Variants in TOM1L1 observed in about 807,000 individuals in gnomAD.
The protein encoded by TOM1L1 is TOM1-like protein 1.
TOM1L1 carries 64 observed loss-of-function variants against 63.4 expected under a neutral mutation model. The observed-to-expected ratio is 1.01, with a 90% confidence interval of 0.83 to 1.24. The LOEUF (loss-of-function observed/expected upper bound fraction) is 1.24, where lower values mean the gene tolerates loss of function less well. Among genes scored for constraint, TOM1L1 ranks in the 50% most tolerant of loss-of-function variants. The probability of loss-of-function intolerance (pLI) is 0.00; values close to 1 mark genes in which losing one functional copy is unlikely to be tolerated. For missense variants in TOM1L1, 536 were observed against 567.0 expected, an observed-to-expected ratio of 0.95 and a Z score of 0.55; for synonymous variants, 166 against 194.4, an observed-to-expected ratio of 0.85 and a Z score of 1.22.
intron 2 of TOM1L1, among the ~76,000 whole-genome samples, chr17:54,904,268 G>A (rs1170439622): frequency 1.3e-5 from 2 of 151,914 alleles, no homozygotes; most frequent in African/African-American, 2.4e-5. Context: ...TACTTGGGAG[G>A]CTGAGGCAGG....
At chr17:54,901,107 C>A (rs965059367) in intron 1 of TOM1L1, 184 bp downstream of exon 1, 2 of 771,788 alleles carry the variant, frequency 2.6e-6, no homozygotes, top group Non-Finnish European at 4.2e-6. Flanking sequence ...TCCTTCTTGG[C>A]CAACTCACTG....
chr17:54,905,240 G>A (rs995315987), intron 2 of TOM1L1, among the ~76,000 whole-genome samples: 26 of 152,192 alleles, frequency 1.7e-4, no homozygotes, highest in African/African-American at 6.3e-4. Flanking sequence ...GTACTTTCTA[G>A]GTAATAGTCT....
At chr17:54,904,544 G>A (rs982909500) in intron 2 of TOM1L1, among the ~76,000 whole-genome samples, 3 of 152,110 alleles carry the variant, frequency 2.0e-5, no homozygotes, top group Non-Finnish European at 4.4e-5. Context: ...AAACAATCTA[G>A]CAGTCTTTTT....
chr17:54,948,279 T>C (rs1218841202), intron 12 of TOM1L1, among the ~76,000 whole-genome samples: 1 of 152,120 alleles, frequency 6.6e-6, no homozygotes, highest in African/African-American at 2.4e-5. Context: ...ACAGGGGCAT[T>C]CTTTTTTAAA....
chr17:54,947,595 G>A (rs992601577), intron 12 of TOM1L1, among the ~76,000 whole-genome samples: 2 of 152,144 alleles, frequency 1.3e-5, no homozygotes, highest in South Asian at 2.1e-4. Context: ...ATTTAGAACT[G>A]CAGTTCCATA....
At chr17:54,918,471 C>T (rs908268681) in intron 7 of TOM1L1, among the ~76,000 whole-genome samples, 5 of 151,992 alleles carry the variant, frequency 3.3e-5, no homozygotes, top group South Asian at 2.1e-4. Flanking sequence ...TAAACCACAA[C>T]GTGGGAGTAT....
chr17:54,947,325 ACT>A lies in TOM1L1; in HGVS notation c.1182+16_1182+17del. 6.2e-7 allele frequency: 1 copy of A among 1,613,708 alleles called. No homozygotes were observed. Among genetic ancestry groups the A allele is most frequent in the Non-Finnish European group, 8.5e-7 (1 of 1,179,762 alleles). The stretch of plus-strand genomic sequence containing the variant: ...CGCATATGATAATGTAAGTAACAAA[ACT>A]CTTTTCTAGCAGTGCATCTAGTCAG... On this transcript the variant is annotated intron_variant, in intron 12 of 15. Transcript: ENST00000575882.
intron 7 of TOM1L1, among the ~76,000 whole-genome samples, chr17:54,917,937 T>C (rs1427826114): frequency 2.0e-5 from 3 of 152,222 alleles, no homozygotes; most frequent in Non-Finnish European, 4.4e-5. Context: ...TCTGTCCCAA[T>C]CATTGTTTCC....
chr17:54,930,372 C>A, intron 8 of TOM1L1, 166 bp downstream of exon 8: 2 of 817,622 alleles, frequency 2.4e-6, no homozygotes, highest in South Asian at 3.8e-5. Flanking sequence ...CCTTGTACAG[C>A]TCCTACTCAG....
intron 8 of TOM1L1, among the ~76,000 whole-genome samples, chr17:54,935,889 G>C (rs1212148784): frequency 6.6e-6 from 1 of 152,122 alleles, no homozygotes; most frequent in Non-Finnish European, 1.5e-5. Flanking sequence ...TTGGGAGGCC[G>C]AGGTGGGCGG....
chr17:54,960,426 G>A, intron 14 of TOM1L1, 140 bp from the exon 15 acceptor site: 1 of 653,598 alleles, frequency 1.5e-6, no homozygotes, highest in Admixed American at 2.6e-5. Context: ...ACACACTTCA[G>A]GGCAGAGACT....
intron 14 of TOM1L1, among the ~76,000 whole-genome samples, chr17:54,960,226 A>G (rs7217666): frequency 0.74 from 111,602 of 151,732 alleles, 41,373 homozygotes; most frequent in African/African-American, 0.81. Flanking sequence ...TTAGCTGGGC[A>G]TGGTTGTGTG....
intron 11 of TOM1L1, among the ~76,000 whole-genome samples, chr17:54,941,618 A>C (rs1016627677): frequency 6.6e-6 from 1 of 152,250 alleles, no homozygotes; most frequent in Admixed American, 6.5e-5. Flanking sequence ...AGAATAATAC[A>C]GATAAAATCC....
At chr17:54,904,891 T>C (rs894354703) in intron 2 of TOM1L1, among the ~76,000 whole-genome samples, 5 of 152,228 alleles carry the variant, frequency 3.3e-5, no homozygotes, top group South Asian at 2.1e-4. Flanking sequence ...TACTTTTAAG[T>C]GTGTATGGTT....
At position 54,929,743 on chromosome 17, in the gene TOM1L1, T is replaced by TTTTTG. The variant is rs896397059; in HGVS notation, c.721-326_721-325insGTTTT. Reference sequence around the variant, plus strand: ...AAACTGAGATTTAAAAAACATGTGTTTTTTTTTTTTTTTCCCCAACATGGC... The same window carrying TTTTTG: ...AAACTGAGATTTAAAAAACATGTGTTTTTTGTTTTTTTTTTTTTCCCCAACATGGC... On this transcript the variant is annotated intron_variant, in intron 7 of 15. Coordinates refer to ENST00000575882, the MANE Select transcript of TOM1L1 (RefSeq NM_005486.3). 1.4e-4 allele frequency among the ~76,000 whole-genome samples: 21 copies of TTTTTG among 149,764 alleles called. No individual in the cohort carries two copies. In the East Asian group the frequency reaches 4.1e-3, roughly 30 times the overall value.
chr17:54,900,853 C>G lies in TOM1L1; in HGVS notation c.-13C>G, dbSNP rs778317285. 3 of 1,613,148 alleles carry G rather than the reference C, an allele frequency of 1.9e-6. No individual in the cohort carries two copies. The highest frequency in any genetic ancestry group is 2.2e-5 in the South Asian group (2 of 91,060). ...GGAGGCGGATTTCCTGGGCCCGGCC[C>G]TCTGGCGCTACCATGGCGTTTGGCA... On this transcript the variant is annotated 5_prime_UTR_variant, in exon 1 of 16. Coordinates refer to ENST00000575882, the MANE Select transcript of TOM1L1 (RefSeq NM_005486.3).
chr17:54,928,715 G>T (rs576019286), intron 7 of TOM1L1, among the ~76,000 whole-genome samples: 4 of 152,148 alleles, frequency 2.6e-5, no homozygotes, highest in Non-Finnish European at 4.4e-5. Context: ...ACACTATACT[G>T]TTGCTGAAGA....
intron 12 of TOM1L1, among the ~76,000 whole-genome samples, chr17:54,948,058 C>T (rs1211145067): frequency 2.0e-5 from 3 of 152,134 alleles, no homozygotes; most frequent in South Asian, 2.1e-4. Context: ...TGGGTAATAG[C>T]GCTTGACATC....
intron 8 of TOM1L1, among the ~76,000 whole-genome samples, chr17:54,931,743 C>A (rs1204060915): frequency 6.6e-6 from 1 of 150,402 alleles, no homozygotes; most frequent in Non-Finnish European, 1.5e-5. Context: ...GCAGAAGTTG[C>A]AGTGATCCAA....
Sources: gnomAD v4.1 joint callset for allele counts (sites outside exome capture counted in the v4.1 genomes callset) on GRCh38, gnomAD v4.1.1 for gene constraint, MANE v1.5 for transcripts, NCBI Gene and HGNC (gene_info 2026-07-23, HGNC 2026-07-21) for gene names.